Variants in EFCAB11 observed in about 807,000 individuals in gnomAD.
EFCAB11 encodes the protein EF-hand calcium binding domain 11.
A neutral mutation model predicts 23.0 loss-of-function variants in EFCAB11; 14 were observed. The observed-to-expected ratio is 0.61, with a 90% confidence interval of 0.40 to 0.95. The LOEUF is 0.95. Ranked by LOEUF, EFCAB11 falls within the 40% of genes least tolerant of loss-of-function variation. The probability of loss-of-function intolerance (pLI) is 0.00; values close to 1 mark genes in which losing one functional copy is unlikely to be tolerated. For synonymous variants in EFCAB11, 65 were observed against 66.6 expected, an observed-to-expected ratio of 0.98 and a Z score of 0.11; for missense variants, 198 against 195.8, an observed-to-expected ratio of 1.01 and a Z score of -0.07.
chr14:89,894,598 T>C (rs1400382346), intron 5 of EFCAB11, among the ~76,000 whole-genome samples: 3 of 152,164 alleles, frequency 2.0e-5, no homozygotes, highest in Non-Finnish European at 4.4e-5. Flanking sequence ...TGATAAAATA[T>C]TGAAATCTTT....
At chr14:89,809,789 C>A (rs1393162914) in intron 5 of EFCAB11, among the ~76,000 whole-genome samples, 1 of 152,058 alleles carries the variant, frequency 6.6e-6, no homozygotes, top group Non-Finnish European at 1.5e-5. Context: ...AGGGTTCTAC[C>A]TCCCTCCCCC....
intron 5 of EFCAB11, among the ~76,000 whole-genome samples, chr14:89,852,473 A>T (rs953824379): frequency 6.6e-6 from 1 of 152,138 alleles, no homozygotes; most frequent in Admixed American, 6.5e-5. Context: ...AGCAGCCCAC[A>T]TCCAAGGTCT....
At chr14:89,933,174 G>A (rs931827548) in intron 3 of EFCAB11, among the ~76,000 whole-genome samples, 23 of 152,116 alleles carry the variant, frequency 1.5e-4, no homozygotes, top group African/African-American at 5.1e-4. Context: ...CCCTGGATAC[G>A]CCCCACAACG....
chr14:89,880,431 G>C (rs1888565614), intron 5 of EFCAB11, among the ~76,000 whole-genome samples: 1 of 152,282 alleles, frequency 6.6e-6, no homozygotes, highest in African/African-American at 2.4e-5. Flanking sequence ...AGCTCAAAGG[G>C]ACTAAGACGA....
intron 5 of EFCAB11, among the ~76,000 whole-genome samples, chr14:89,822,030 CAAATT>C (rs1886535300): frequency 6.6e-6 from 1 of 152,170 alleles, no homozygotes; most frequent in Admixed American, 6.5e-5. Flanking sequence ...ATTTTAAACA[CAAATT>C]AAAACTCTGA....
intron 5 of EFCAB11, chr14:89,924,298 G>A (rs1002822245): frequency 2.4e-5 from 25 of 1,029,700 alleles, no homozygotes; most frequent in African/African-American, 2.4e-4. Context: ...AACTTTAAAC[G>A]TCTCCAGTCA....
intron 5 of EFCAB11, among the ~76,000 whole-genome samples, chr14:89,903,573 AG>A (rs57778945): frequency 0.13 from 19,584 of 150,304 alleles, 1,455 homozygotes; most frequent in South Asian, 0.22. Flanking sequence ...GTAAAAGAGA[AG>A]GGGGGGGGCA....
intron 5 of EFCAB11, among the ~76,000 whole-genome samples, chr14:89,823,419 T>C (rs1045692821): frequency 6.6e-6 from 1 of 152,168 alleles, no homozygotes; most frequent in Non-Finnish European, 1.5e-5. Flanking sequence ...CCTGAGACCC[T>C]AAGCAAAAAC....
At chr14:89,824,418 T>G (rs1351669183) in intron 5 of EFCAB11, among the ~76,000 whole-genome samples, 2 of 151,794 alleles carry the variant, frequency 1.3e-5, no homozygotes, top group Non-Finnish European at 2.9e-5. Context: ...AATGGAAAAC[T>G]GGATCTACAA....
chr14:89,801,041 G>GAAA (rs1197084827), intron 5 of EFCAB11, among the ~76,000 whole-genome samples: 3 of 58,492 alleles, frequency 5.1e-5, no homozygotes, highest in African/African-American at 9.8e-5. Context: ...CCTCAAAAAA[G>GAAA]AAAAAAAAAA....
chr14:89,841,736 TCTC>T (rs914377163), intron 5 of EFCAB11, among the ~76,000 whole-genome samples: 1 of 151,930 alleles, frequency 6.6e-6, no homozygotes, highest in African/African-American at 2.4e-5. Context: ...AGTTGCACAC[TCTC>T]CTTTCTTTAA....
intron 5 of EFCAB11, among the ~76,000 whole-genome samples, chr14:89,881,542 G>C (rs1224078912): frequency 7.0e-6 from 1 of 142,716 alleles, no homozygotes; most frequent in Non-Finnish European, 1.5e-5. Context: ...CTGCCTCCCA[G>C]GTTCAAGTGA....
intron 5 of EFCAB11, among the ~76,000 whole-genome samples, chr14:89,826,864 T>C (rs1886707595): frequency 6.6e-6 from 1 of 152,124 alleles, no homozygotes; most frequent in Non-Finnish European, 1.5e-5. Context: ...AGGGGATAGT[T>C]TGATTAATCA....
chr14:89,910,427 A>C (rs1010192460), intron 5 of EFCAB11, among the ~76,000 whole-genome samples: 2 of 152,034 alleles, frequency 1.3e-5, no homozygotes, highest in African/African-American at 4.8e-5. Context: ...GTGAAACCCT[A>C]TCTCTACTAA....
At chr14:89,842,597 A>AATG (rs1887301865) in intron 5 of EFCAB11, among the ~76,000 whole-genome samples, 1 of 70,812 alleles carries the variant, frequency 1.4e-5, no homozygotes, top group African/African-American at 4.1e-5. Flanking sequence ...AATATGATAT[A>AATG]ATATGATATG....
chr14:89,937,287 A>T (rs1280940616), intron 3 of EFCAB11, among the ~76,000 whole-genome samples: 1 of 152,140 alleles, frequency 6.6e-6, no homozygotes, highest in Non-Finnish European at 1.5e-5. Flanking sequence ...GAGGAGATGA[A>T]GGAAGAACTA....
At chr14:89,924,113 A>C (rs2281752) in intron 5 of EFCAB11, 128,690 of 985,410 alleles carry the variant, frequency 0.13, 9,795 homozygotes, top group South Asian at 0.31. Context: ...CATTCCTAAG[A>C]CCCAGCCCCC....
intron 5 of EFCAB11, among the ~76,000 whole-genome samples, chr14:89,860,267 G>A (rs946162005): frequency 1.3e-5 from 2 of 152,160 alleles, no homozygotes; most frequent in Non-Finnish European, 2.9e-5. Context: ...GGGAGACTGA[G>A]GCAGGAGAAT....
chr14:89,952,739 T>C, intron 2 of EFCAB11: 1 of 414,130 alleles, frequency 2.4e-6, no homozygotes, highest in Non-Finnish European at 3.2e-6. Flanking sequence ...GGGCTTTCAA[T>C]CTGACAGAAA....
Sources: gnomAD v4.1 joint callset for allele counts (sites outside exome capture counted in the v4.1 genomes callset) on GRCh38, gnomAD v4.1.1 for gene constraint, MANE v1.5 for transcripts, NCBI Gene and HGNC (gene_info 2026-07-23, HGNC 2026-07-21) for gene names.